DENND1A: variants seen among roughly 807,000 people sequenced by gnomAD.
DENND1A encodes the protein DENN domain containing 1A, also known as DENN domain-containing protein 1A.
In DENND1A, 51 loss-of-function variants were observed where a neutral mutation model predicts 113.7. That is an observed-to-expected ratio of 0.45 (90% CI 0.36 to 0.57). DENND1A has a LOEUF of 0.57. DENND1A is among the 20% of genes least tolerant of loss of function. The probability of loss-of-function intolerance (pLI) is 0.00; values close to 1 mark genes in which losing one functional copy is unlikely to be tolerated. For missense variants in DENND1A, 1,258 were observed against 1,395.9 expected, an observed-to-expected ratio of 0.90 and a Z score of 1.57; for synonymous variants, 565 against 570.8, an observed-to-expected ratio of 0.99 and a Z score of 0.14.
intron 2 of DENND1A, among the ~76,000 whole-genome samples, chr9:123,795,433 G>A (rs1234467504): frequency 1.3e-5 from 2 of 152,132 alleles, no homozygotes; most frequent in Non-Finnish European, 2.9e-5. Flanking sequence ...AATACAATCT[G>A]CTTTTCTCAA....
chr9:123,458,485 A>G (rs1382691559), intron 13 of DENND1A, among the ~76,000 whole-genome samples: 1 of 152,172 alleles, frequency 6.6e-6, no homozygotes, highest in Non-Finnish European at 1.5e-5. Flanking sequence ...GTCATCCCGC[A>G]AAGTCACAGA....
chr9:123,842,099 G>C (rs1841924192), intron 2 of DENND1A, among the ~76,000 whole-genome samples: 1 of 152,168 alleles, frequency 6.6e-6, no homozygotes, highest in African/African-American at 2.4e-5. Context: ...TCTCATTAGG[G>C]AAAAGAAGGT....
chr9:123,911,754 G>A (rs965992724), intron 1 of DENND1A, among the ~76,000 whole-genome samples: 3 of 151,422 alleles, frequency 2.0e-5, no homozygotes, highest in South Asian at 2.1e-4. Context: ...GCAGTGGTGC[G>A]ATCTTGGCTC....
intron 2 of DENND1A, among the ~76,000 whole-genome samples, chr9:123,877,099 TTC>T (rs376522150): frequency 9.8e-5 from 15 of 152,288 alleles, no homozygotes; most frequent in African/African-American, 3.4e-4. Flanking sequence ...ATGTACACTA[TTC>T]AGGTGATGGG....
chr9:123,625,360 G>C (rs1024555214), intron 10 of DENND1A, among the ~76,000 whole-genome samples: 1 of 152,222 alleles, frequency 6.6e-6, no homozygotes, highest in Non-Finnish European at 1.5e-5. Flanking sequence ...GTTACTGACA[G>C]AGCATTTTCC....
At chr9:123,834,614 C>T (rs561080980) in intron 2 of DENND1A, among the ~76,000 whole-genome samples, 1 of 152,100 alleles carries the variant, frequency 6.6e-6, no homozygotes, top group Admixed American at 6.5e-5. Context: ...TTTTAAAGGC[C>T]CCAAACTACT....
chr9:123,537,961 G>C (rs1410806914), intron 13 of DENND1A, among the ~76,000 whole-genome samples: 2 of 152,210 alleles, frequency 1.3e-5, no homozygotes, highest in African/African-American at 4.8e-5. Context: ...ATCACCATTA[G>C]GACTGGCAGT....
intron 8 of DENND1A, among the ~76,000 whole-genome samples, chr9:123,660,132 C>T (rs1242078396): frequency 6.6e-6 from 1 of 152,178 alleles, no homozygotes; most frequent in Non-Finnish European, 1.5e-5. Context: ...ACGAGCAGAC[C>T]TTGCCACCTC....
chr9:123,591,000 C>T (rs1480957563), intron 11 of DENND1A, among the ~76,000 whole-genome samples: 1 of 152,166 alleles, frequency 6.6e-6, no homozygotes, highest in Non-Finnish European at 1.5e-5. Context: ...ACTTTTTCAT[C>T]TAGTCCAGGA....
At chr9:123,820,239 C>T (rs1246059427) in intron 2 of DENND1A, among the ~76,000 whole-genome samples, 1 of 152,220 alleles carries the variant, frequency 6.6e-6, no homozygotes, top group Non-Finnish European at 1.5e-5. Context: ...TCCCATCAAG[C>T]CATGGAGTCT....
intron 1 of DENND1A, among the ~76,000 whole-genome samples, chr9:123,910,703 G>A (rs1156842995): frequency 1.3e-5 from 2 of 152,216 alleles, no homozygotes; most frequent in African/African-American, 4.8e-5. Context: ...ACTTTGGGAG[G>A]CTGAGGCAGG....
chr9:123,806,635 G>A (rs1835626635), intron 2 of DENND1A, among the ~76,000 whole-genome samples: 1 of 152,126 alleles, frequency 6.6e-6, no homozygotes, highest in African/African-American at 2.4e-5. Flanking sequence ...AGGAAGTTTT[G>A]GATTTTGGAG....
chr9:123,482,878 G>A (rs543163651), intron 13 of DENND1A, among the ~76,000 whole-genome samples: 1 of 152,210 alleles, frequency 6.6e-6, no homozygotes, highest in Non-Finnish European at 1.5e-5. Flanking sequence ...GGACAGCAGA[G>A]GGGGAGGGGC....
intron 19 of DENND1A, among the ~76,000 whole-genome samples, chr9:123,433,510 CCA>C (rs1254660102): frequency 6.6e-6 from 1 of 152,146 alleles, no homozygotes; most frequent in Non-Finnish European, 1.5e-5. Context: ...TTACTTCACC[CCA>C]CAGACTTCAG....
chr9:123,677,836 G>A (rs1321025062), intron 5 of DENND1A, among the ~76,000 whole-genome samples: 1 of 152,178 alleles, frequency 6.6e-6, no homozygotes, highest in Non-Finnish European at 1.5e-5. Context: ...TTGTTAGGAT[G>A]GACTTCTGGG....
In DENND1A at chr9:123,910,485, G is replaced by A. The variant is rs1021253056; in HGVS notation, c.17+19404C>T. On this transcript the variant is annotated intron_variant, in intron 1 of 23. Transcript: ENST00000394215. ...ATTCATATGAAATGGATCACATCAC[G>A]GAACTAAAATTAAAATGTAAAACAA... Among the ~76,000 whole-genome samples, 5 of 152,072 alleles carry A rather than the reference G, an allele frequency of 3.3e-5. No individual in the cohort carries two copies. The East Asian group carries it at 5.8e-4, about 18-fold the overall frequency.
At chr9:123,819,728 C>G (rs1778897) in intron 2 of DENND1A, among the ~76,000 whole-genome samples, 44,206 of 151,818 alleles carry the variant, frequency 0.29, 10,257 homozygotes, top group African/African-American at 0.65. Context: ...AGTAGAGACA[C>G]GGTTTCACCA....
chr9:123,796,394 G>GA, intron 2 of DENND1A, among the ~76,000 whole-genome samples: 1 of 152,224 alleles, frequency 6.6e-6, no homozygotes, highest in African/African-American at 2.4e-5. Flanking sequence ...TTCACAGCAG[G>GA]AAAAAACTGA....
At chr9:123,885,995 C>A (rs1450142535) in intron 1 of DENND1A, among the ~76,000 whole-genome samples, 1 of 152,172 alleles carries the variant, frequency 6.6e-6, no homozygotes, top group East Asian at 1.9e-4. Flanking sequence ...CCAGGCTGGT[C>A]CTGAACTCTT....
Sources: allele counts gnomAD v4.1 joint callset (sites outside exome capture counted in the v4.1 genomes callset), GRCh38; gene constraint gnomAD v4.1.1; transcripts MANE v1.5; gene names NCBI Gene and HGNC (gene_info 2026-07-23, HGNC 2026-07-21).